Variants in RBFOX1 observed in about 807,000 individuals in gnomAD.
The protein encoded by RBFOX1 is RNA binding protein fox-1 homolog 1.
RBFOX1 carries 8 observed loss-of-function variants against 57.7 expected under a neutral mutation model. That is an observed-to-expected ratio of 0.14 (90% CI 0.08 to 0.25). The LOEUF (loss-of-function observed/expected upper bound fraction) is 0.25, where lower values mean the gene tolerates loss of function less well. Among genes scored for constraint, RBFOX1 ranks in the 10% least tolerant of loss-of-function variants. The pLI, the probability that RBFOX1 is intolerant of heterozygous loss-of-function variation, is 1.00. For synonymous variants in RBFOX1, 326 were observed against 222.4 expected (o/e 1.47, Z -4.15); for missense variants, 611 against 548.5 (o/e 1.11, Z -1.14).
intron 3 of RBFOX1, among the ~76,000 whole-genome samples, chr16:6,727,213 T>C (rs937937661): frequency 2.0e-5 from 3 of 151,978 alleles, no homozygotes; most frequent in Non-Finnish European, 4.4e-5. Flanking sequence ...ATTCTGACAA[T>C]CCCTCAACCT....
At chr16:7,273,407 C>G (rs2095378553) in intron 4 of RBFOX1, among the ~76,000 whole-genome samples, 3 of 152,166 alleles carry the variant, frequency 2.0e-5, no homozygotes, top group Admixed American at 6.5e-5. Flanking sequence ...TGGCTTGGTG[C>G]CTTTCTAGCT....
chr16:7,016,072 G>A (rs1047556190), intron 3 of RBFOX1, among the ~76,000 whole-genome samples: 1 of 152,088 alleles, frequency 6.6e-6, no homozygotes, highest in Non-Finnish European at 1.5e-5. Context: ...AGACCATAAG[G>A]CTTGTTCTTG....
At chr16:5,346,996 CTT>C (rs367661590) in intron 1 of RBFOX1, among the ~76,000 whole-genome samples, 2 of 147,582 alleles carry the variant, frequency 1.4e-5, no homozygotes, top group African/African-American at 4.9e-5. Context: ...TGCCTGGAAA[CTT>C]TTTTTTTTTG....
At chr16:7,100,570 T>G (rs1305695535) in intron 4 of RBFOX1, among the ~76,000 whole-genome samples, 1 of 150,848 alleles carries the variant, frequency 6.6e-6, no homozygotes, top group South Asian at 2.1e-4. Context: ...AGGTTGTTTT[T>G]TTTTTTTTTT....
intron 3 of RBFOX1, among the ~76,000 whole-genome samples, chr16:6,982,564 T>G (rs932517338): frequency 1.3e-5 from 2 of 152,206 alleles, no homozygotes; most frequent in East Asian, 1.9e-4. Flanking sequence ...TCCCTGTTAG[T>G]AGTTCCAAAT....
At chr16:7,253,039 A>G (rs1371820786) in intron 4 of RBFOX1, among the ~76,000 whole-genome samples, 1 of 152,180 alleles carries the variant, frequency 6.6e-6, no homozygotes, top group Non-Finnish European at 1.5e-5. Context: ...AGTGTTCTGC[A>G]TCTTTTCCAT....
chr16:7,627,491 A>C (rs1310100148), intron 10 of RBFOX1, among the ~76,000 whole-genome samples: 1 of 152,246 alleles, frequency 6.6e-6, no homozygotes, highest in Admixed American at 6.5e-5. Flanking sequence ...CATGTGATAC[A>C]AATGAAGGTT....
chr16:5,688,172 G>T lies in RBFOX1; in HGVS notation c.318+89211G>T, dbSNP rs539731766. 7.9e-5 allele frequency among the ~76,000 whole-genome samples: 12 copies of T among 152,314 alleles called. 1 individual carries two copies. The highest frequency in any genetic ancestry group is 6.5e-4 in the Admixed American group (10 of 15,304). On this transcript the variant is annotated intron_variant, in intron 3 of 19. Coordinates refer to the RBFOX1 transcript ENST00000641259. ...GGTGTTTAGGTATGACAGAAAAGGAGCTTGGAAGGCTAAATTTAGATTACA... is the reference window on the plus strand; with the variant it reads ...GGTGTTTAGGTATGACAGAAAAGGATCTTGGAAGGCTAAATTTAGATTACA...
chr16:7,109,617 GGGGAA>G (rs1169760906), intron 4 of RBFOX1, among the ~76,000 whole-genome samples: 5 of 152,106 alleles, frequency 3.3e-5, no homozygotes, highest in Non-Finnish European at 7.3e-5. Context: ...CCCAGTTTTA[GGGGAA>G]AGGGCTCTAA....
intron 3 of RBFOX1, among the ~76,000 whole-genome samples, chr16:5,672,756 G>T (rs189842538): frequency 1.3e-5 from 2 of 152,068 alleles, no homozygotes; most frequent in Admixed American, 1.3e-4. Flanking sequence ...CCTGTAATTT[G>T]TGTGGCTCAC....
chr16:6,042,140 G>T (rs529107219), intron 1 of RBFOX1, among the ~76,000 whole-genome samples: 4 of 146,620 alleles, frequency 2.7e-5, no homozygotes, highest in Admixed American at 1.4e-4. Context: ...TCCCACTGTC[G>T]CCAGAGCTGG....
intron 4 of RBFOX1, among the ~76,000 whole-genome samples, chr16:7,504,328 A>C (rs142055708): frequency 6.6e-6 from 1 of 152,038 alleles, no homozygotes; most frequent in Non-Finnish European, 1.5e-5. Context: ...TGTTATTATC[A>C]AGAATGTTAT....
intron 4 of RBFOX1, among the ~76,000 whole-genome samples, chr16:7,254,339 A>T (rs530052467): frequency 6.6e-6 from 1 of 152,274 alleles, no homozygotes; most frequent in South Asian, 2.1e-4. Context: ...CAGGAAGACC[A>T]ACCCTGGGCT....
chr16:7,204,143 A>G (rs1430173938), intron 4 of RBFOX1, among the ~76,000 whole-genome samples: 1 of 152,220 alleles, frequency 6.6e-6, no homozygotes, highest in Admixed American at 6.5e-5. Context: ...ATCTGCAGAT[A>G]CCTGCCAGAA....
At chr16:5,715,116 T>G (rs2051642564) in intron 3 of RBFOX1, among the ~76,000 whole-genome samples, 1 of 152,246 alleles carries the variant, frequency 6.6e-6, no homozygotes, top group African/African-American at 2.4e-5. Flanking sequence ...TACCTTACAT[T>G]TAGCCATTTT....
intron 3 of RBFOX1, among the ~76,000 whole-genome samples, chr16:6,812,952 G>C (rs996927320): frequency 1.3e-5 from 2 of 152,128 alleles, no homozygotes; most frequent in Non-Finnish European, 2.9e-5. Flanking sequence ...GGAGAATAGG[G>C]AAGTAAAGGA....
At chr16:7,468,860 C>A (rs551689974) in intron 4 of RBFOX1, among the ~76,000 whole-genome samples, 3 of 151,926 alleles carry the variant, frequency 2.0e-5, no homozygotes, top group Non-Finnish European at 2.9e-5. Context: ...GGGGAGGTTG[C>A]GAGGATCACA....
intron 3 of RBFOX1, among the ~76,000 whole-genome samples, chr16:7,023,171 G>A (rs1272638447): frequency 1.3e-5 from 2 of 151,572 alleles, no homozygotes; most frequent in Non-Finnish European, 2.9e-5. Context: ...AAGGAGGGAG[G>A]TAATGACCAT....
At chr16:5,822,130 G>A (rs1389683609) in intron 3 of RBFOX1, among the ~76,000 whole-genome samples, 2 of 152,306 alleles carry the variant, frequency 1.3e-5, no homozygotes, top group East Asian at 3.9e-4. Flanking sequence ...AACAGCATTT[G>A]CAATGATCTG....
Sources: gnomAD v4.1 joint callset for allele counts (sites outside exome capture counted in the v4.1 genomes callset) on GRCh38, gnomAD v4.1.1 for gene constraint, MANE v1.5 for transcripts, NCBI Gene and HGNC (gene_info 2026-07-23, HGNC 2026-07-21) for gene names.